The following CLVS1 variants were observed in gnomAD, a reference collection of about 807,000 sequenced individuals.
The protein encoded by CLVS1 is clavesin-1.
A neutral mutation model predicts 33.1 loss-of-function variants in CLVS1; 10 were observed. The observed-to-expected ratio is 0.30, with a 90% CI of 0.19 to 0.51. The LOEUF (loss-of-function observed/expected upper bound fraction) is 0.51, where lower values mean the gene tolerates loss of function less well. CLVS1 is among the 20% of genes least tolerant of loss of function. The pLI is 0.97. For missense variants in CLVS1, 343 were observed against 433.4 expected, an observed-to-expected ratio of 0.79 and a Z score of 1.85; for synonymous variants, 163 against 166.1, an observed-to-expected ratio of 0.98 and a Z score of 0.14.
chr8:61,302,944 G>C (rs964067405), intron 2 of CLVS1, among the ~76,000 whole-genome samples: 1 of 152,108 alleles, frequency 6.6e-6, no homozygotes, highest in Non-Finnish European at 1.5e-5. Context: ...TGAGAATTCT[G>C]TCACCAGACA....
At chr8:61,386,523 T>G (rs188217861) in intron 3 of CLVS1, among the ~76,000 whole-genome samples, 1 of 152,328 alleles carries the variant, frequency 6.6e-6, no homozygotes, top group East Asian at 1.9e-4. Context: ...TATGACTGAT[T>G]CATGATTTTC....
intron 2 of CLVS1, among the ~76,000 whole-genome samples, chr8:61,198,363 A>G (rs1255631775): frequency 1.3e-5 from 2 of 152,154 alleles, no homozygotes; most frequent in Non-Finnish European, 2.9e-5. Context: ...TGAATAGTAT[A>G]CATTGTACCC....
chr8:61,097,310 TA>T (rs1805370705), intron 1 of CLVS1, among the ~76,000 whole-genome samples: 2 of 151,852 alleles, frequency 1.3e-5, no homozygotes, highest in African/African-American at 4.8e-5. Flanking sequence ...ATAAAAAAAT[TA>T]AATTAATTAA....
intron 2 of CLVS1, among the ~76,000 whole-genome samples, chr8:61,318,051 G>A (rs1811071796): frequency 6.6e-6 from 1 of 152,144 alleles, no homozygotes; most frequent in Non-Finnish European, 1.5e-5. Flanking sequence ...AACAACCTGT[G>A]TATGCTTGAA....
At chr8:61,298,213 T>C (rs1241437445) in intron 1 of CLVS1, among the ~76,000 whole-genome samples, 4 of 152,122 alleles carry the variant, frequency 2.6e-5, no homozygotes, top group Non-Finnish European at 5.9e-5. Context: ...CAGGTGGGCA[T>C]TGAGCTAGAT....
chr8:61,329,871 G>A (rs1811528565), intron 2 of CLVS1, among the ~76,000 whole-genome samples: 1 of 151,998 alleles, frequency 6.6e-6, no homozygotes, highest in Non-Finnish European at 1.5e-5. Context: ...TTTCTTGACT[G>A]CTCTATGCAC....
chr8:61,447,552 T>A (rs989431640), intron 3 of CLVS1, among the ~76,000 whole-genome samples: 1 of 151,964 alleles, frequency 6.6e-6, no homozygotes, highest in Non-Finnish European at 1.5e-5. Flanking sequence ...TTTCATGTAG[T>A]TTTTTTAGTG....
Position 61,274,237 on chromosome 8 carries a change from T to C in CLVS1, c.-151-25440T>C, listed in dbSNP as rs568396744. On this transcript the variant is annotated intron_variant, in intron 2 of 2. Transcript: ENST00000522621. ...ATTGGGTGATTAAAAGATGCTGTAA[T>C]ATTCATTCTTTCAGTGCTATTTTAG... Among the ~76,000 whole-genome samples, 3 of 152,334 alleles carry C rather than the reference T, an allele frequency of 2.0e-5. No individual in the cohort carries two copies. The South Asian group carries it at 6.2e-4, about 32-fold the overall frequency.
chr8:61,075,918 T>C (rs924866212), intron 1 of CLVS1, among the ~76,000 whole-genome samples: 1 of 152,210 alleles, frequency 6.6e-6, no homozygotes, highest in African/African-American at 2.4e-5. Context: ...TTAATATTAG[T>C]TTTTCTACCA....
intron 2 of CLVS1, among the ~76,000 whole-genome samples, chr8:61,204,318 T>C (rs967171449): frequency 1.4e-4 from 21 of 152,234 alleles, no homozygotes; most frequent in Non-Finnish European, 1.0e-4. Flanking sequence ...AAAGATTGAT[T>C]TTAAAAAGCA....
At chr8:61,140,106 A>G (rs1236184156) in intron 2 of CLVS1, among the ~76,000 whole-genome samples, 2 of 152,040 alleles carry the variant, frequency 1.3e-5, no homozygotes, top group Non-Finnish European at 2.9e-5. Context: ...GAGAGCAGCA[A>G]GCGAGCTGGG....
intron 2 of CLVS1, among the ~76,000 whole-genome samples, chr8:61,199,306 A>G (rs1446168317): frequency 6.6e-6 from 1 of 152,246 alleles, no homozygotes; most frequent in Non-Finnish European, 1.5e-5. Flanking sequence ...AATAATCAAC[A>G]GGGTAAACAG....
the CLVS1 span, among the ~76,000 whole-genome samples, chr8:61,023,388 G>A: frequency 1.3e-5 from 2 of 152,294 alleles, no homozygotes; most frequent in South Asian, 4.2e-4. Flanking sequence ...GTTCTCTGGC[G>A]ACCATGCAGC....
chr8:61,284,454 A>G (rs1563476608), upstream of CLVS1, among the ~76,000 whole-genome samples: 1 of 152,256 alleles, frequency 6.6e-6, no homozygotes, highest in Non-Finnish European at 1.5e-5. Flanking sequence ...TACACAATGA[A>G]TATACGTATC....
At chr8:61,119,052 G>A (rs1423710572) in intron 1 of CLVS1, among the ~76,000 whole-genome samples, 1 of 152,142 alleles carries the variant, frequency 6.6e-6, no homozygotes, top group Non-Finnish European at 1.5e-5. Context: ...GAATTTGGGT[G>A]CTCCTGTATT....
intron 2 of CLVS1, among the ~76,000 whole-genome samples, chr8:61,223,209 ATCC>A (rs1808257481): frequency 1.3e-5 from 2 of 152,122 alleles, no homozygotes; most frequent in African/African-American, 4.8e-5. Flanking sequence ...TATGAATTTG[ATCC>A]TGTCATCAAG....
At chr8:61,020,472 C>T in the CLVS1 span, among the ~76,000 whole-genome samples, 40 of 152,322 alleles carry the variant, frequency 2.6e-4, no homozygotes, top group Middle Eastern at 3.4e-3. Flanking sequence ...AACAGCTTAG[C>T]CCCTGAGAGG....
the CLVS1 span, among the ~76,000 whole-genome samples, chr8:60,970,692 C>T: frequency 6.6e-6 from 1 of 152,146 alleles, no homozygotes; most frequent in East Asian, 1.9e-4. Context: ...TTGAAATCTC[C>T]ATTCCCTCTT....
intron 2 of CLVS1, among the ~76,000 whole-genome samples, chr8:61,353,164 C>T (rs966771844): frequency 1.3e-5 from 2 of 151,978 alleles, no homozygotes; most frequent in Admixed American, 1.3e-4. Flanking sequence ...AGAACTTAGA[C>T]AGAAGATTTG....
Sources: allele counts gnomAD v4.1 joint callset (sites outside exome capture counted in the v4.1 genomes callset), GRCh38; gene constraint gnomAD v4.1.1; transcripts MANE v1.5; gene names NCBI Gene and HGNC (gene_info 2026-07-23, HGNC 2026-07-21).